Variants in CCDC91 observed in about 807,000 individuals in gnomAD.
The protein encoded by CCDC91 is coiled-coil domain containing 91.
Under a neutral mutation model 63.2 loss-of-function variants are expected in CCDC91, and 48 were observed. The ratio of observed to expected loss-of-function variants is 0.76; its 90% CI spans 0.60 to 0.97. CCDC91 has a LOEUF of 0.97. CCDC91 is among the 50% of genes least tolerant of loss of function. The pLI is 0.00. For synonymous variants in CCDC91, 167 were observed against 165.8 expected, an observed-to-expected ratio of 1.01 and a Z score of -0.06; for missense variants, 500 against 494.6, an observed-to-expected ratio of 1.01 and a Z score of -0.10.
intron 1 of CCDC91, among the ~76,000 whole-genome samples, chr12:28,248,247 T>A (rs1592101120): frequency 6.6e-6 from 1 of 152,066 alleles, no homozygotes; most frequent in Non-Finnish European, 1.5e-5. Context: ...GTGGGGGAGA[T>A]GTTGAATTCA....
At chr12:28,268,293 G>T (rs1379474481) in intron 3 of CCDC91, among the ~76,000 whole-genome samples, 1 of 151,756 alleles carries the variant, frequency 6.6e-6, no homozygotes, top group Non-Finnish European at 1.5e-5. Context: ...TCCATCTCCT[G>T]ACCTCGTGAT....
At chr12:28,420,124 T>A (rs1370225009) in intron 8 of CCDC91, among the ~76,000 whole-genome samples, 1 of 152,062 alleles carries the variant, frequency 6.6e-6, no homozygotes, top group Non-Finnish European at 1.5e-5. Flanking sequence ...TCAGTAAAAT[T>A]TAGGAAGCTG....
chr12:28,424,376 C>G (rs1222658843), intron 8 of CCDC91, among the ~76,000 whole-genome samples: 7 of 152,118 alleles, frequency 4.6e-5, no homozygotes. Flanking sequence ...TATTTAAGTC[C>G]TGCCGATTTG....
At chr12:28,262,933 T>C (rs1468128620) in intron 3 of CCDC91, among the ~76,000 whole-genome samples, 1 of 151,892 alleles carries the variant, frequency 6.6e-6, no homozygotes, top group Non-Finnish European at 1.5e-5. Flanking sequence ...AGCATTTTCC[T>C]CTCTGTTTCA....
intron 12 of CCDC91, among the ~76,000 whole-genome samples, chr12:28,533,537 T>C (rs973499610): frequency 1.5e-4 from 23 of 152,200 alleles, no homozygotes; most frequent in Non-Finnish European, 3.2e-4. Flanking sequence ...TTACTTATTA[T>C]TGGTAACTAT....
At chr12:28,220,325 A>C (rs1239506427) in intron 1 of CCDC91, among the ~76,000 whole-genome samples, 1 of 152,114 alleles carries the variant, frequency 6.6e-6, no homozygotes, top group Non-Finnish European at 1.5e-5. Flanking sequence ...TTAACGTATT[A>C]GTCCACTTAT....
intron 3 of CCDC91, chr12:28,304,736 A>G: frequency 1.1e-6 from 1 of 924,878 alleles, no homozygotes; most frequent in South Asian, 1.4e-5. Context: ...GAAAGTTAAA[A>G]TGTATAAATG....
chr12:28,539,093 CAG>C (rs1401478107), intron 12 of CCDC91, among the ~76,000 whole-genome samples: 2 of 152,164 alleles, frequency 1.3e-5, no homozygotes, highest in Non-Finnish European at 2.9e-5. Flanking sequence ...TTTTGCTGTG[CAG>C]AAGCTCTTCA....
intron 11 of CCDC91, among the ~76,000 whole-genome samples, chr12:28,464,953 A>C (rs1950480980): frequency 6.6e-6 from 1 of 152,040 alleles, no homozygotes; most frequent in Non-Finnish European, 1.5e-5. Context: ...CCAGAGGAGG[A>C]GTTCATTTTC....
At chr12:28,231,577 G>T (rs1355771437) in intron 1 of CCDC91, among the ~76,000 whole-genome samples, 2 of 152,124 alleles carry the variant, frequency 1.3e-5, no homozygotes, top group Non-Finnish European at 2.9e-5. Flanking sequence ...TCAGGATTGA[G>T]AATTTTCTGC....
intron 11 of CCDC91, among the ~76,000 whole-genome samples, chr12:28,453,987 T>C (rs1949941012): frequency 6.6e-6 from 1 of 152,062 alleles, no homozygotes. Flanking sequence ...TTGTCAAGAG[T>C]CTACAAGAAA....
At chr12:28,435,501 AT>A (rs1409757539) in intron 8 of CCDC91, among the ~76,000 whole-genome samples, 1 of 151,662 alleles carries the variant, frequency 6.6e-6, no homozygotes, top group Non-Finnish European at 1.5e-5. Flanking sequence ...ATTCTTTTAA[AT>A]TTTTGAAGGT....
intron 8 of CCDC91, among the ~76,000 whole-genome samples, chr12:28,427,757 T>C (rs545277854): frequency 6.6e-6 from 1 of 152,316 alleles, no homozygotes; most frequent in Non-Finnish European, 1.5e-5. Context: ...CTTTAGTTTG[T>C]TCCGTTTTTT....
At chr12:28,523,410 T>C (rs1393411216) in intron 12 of CCDC91, among the ~76,000 whole-genome samples, 1 of 152,182 alleles carries the variant, frequency 6.6e-6, no homozygotes, top group Non-Finnish European at 1.5e-5. Flanking sequence ...TGCCTTTTTT[T>C]GTTTTCCATT....
chr12:28,332,950 A>G (rs1376055196), intron 6 of CCDC91, among the ~76,000 whole-genome samples: 1 of 152,124 alleles, frequency 6.6e-6, no homozygotes, highest in Non-Finnish European at 1.5e-5. Context: ...CAGTGAAATC[A>G]CAGCAGTAAG....
chr12:28,358,540 T>C lies in CCDC91; in HGVS notation c.577-3898T>C, dbSNP rs117991215. Among the ~76,000 whole-genome samples the C allele has an allele frequency of 4.7e-3, 709 of 152,348 alleles. 2 individuals are homozygous for C. Among genetic ancestry groups the C allele is most frequent in the Non-Finnish European group, 7.8e-3 (530 of 68,038 alleles). ...TCAAGTAAAATTTCACGCTCTCAAATTGTATTGTCAAAGTGTGAAATCTTT... is the reference window on the plus strand; with the variant it reads ...TCAAGTAAAATTTCACGCTCTCAAACTGTATTGTCAAAGTGTGAAATCTTT... On this transcript the variant is annotated intron_variant, in intron 6 of 12. Transcript: ENST00000536442.
chr12:28,519,972 T>C (rs140529314), intron 12 of CCDC91, among the ~76,000 whole-genome samples: 1 of 152,260 alleles, frequency 6.6e-6, no homozygotes, highest in Non-Finnish European at 1.5e-5. Flanking sequence ...CAGTCTATCA[T>C]TGATGGGCAT....
At chr12:28,425,646 A>T (rs1202903308) in intron 8 of CCDC91, among the ~76,000 whole-genome samples, 2 of 152,176 alleles carry the variant, frequency 1.3e-5, no homozygotes, top group Admixed American at 1.3e-4. Context: ...ATTATTACCT[A>T]ATTTTTTACT....
At chr12:28,279,389 T>C (rs1359508524) in intron 3 of CCDC91, among the ~76,000 whole-genome samples, 1 of 152,116 alleles carries the variant, frequency 6.6e-6, no homozygotes, top group Non-Finnish European at 1.5e-5. Context: ...ATATAGACTT[T>C]CCTAGGAGAG....
Sources: allele counts gnomAD v4.1 joint callset (sites outside exome capture counted in the v4.1 genomes callset), GRCh38; gene constraint gnomAD v4.1.1; transcripts MANE v1.5; gene names NCBI Gene and HGNC (gene_info 2026-07-23, HGNC 2026-07-21).